The following CX3CL1 variants were observed in gnomAD, a reference collection of about 807,000 sequenced individuals.
CX3CL1 encodes the protein fractalkine.
Under a neutral mutation model 14.1 loss-of-function variants are expected in CX3CL1, and 1 was observed. That is an observed-to-expected ratio of 0.07 (90% CI 0.03 to 0.34). CX3CL1 has a LOEUF of 0.34. CX3CL1 is among the 10% of genes least tolerant of loss of function. The pLI is 0.99. For missense variants in CX3CL1, 505 were observed against 536.4 expected, an observed-to-expected ratio of 0.94 and a Z score of 0.58; for synonymous variants, 255 against 229.6, an observed-to-expected ratio of 1.11 and a Z score of -1.00.
At chr16:57,375,164 A>G (rs1200042135) in intron 1 of CX3CL1, among the ~76,000 whole-genome samples, 1 of 151,044 alleles carries the variant, frequency 6.6e-6, no homozygotes, top group Non-Finnish European at 1.5e-5. Context: ...AAAGAAAAGA[A>G]AAGAAAAAGA....
Position 57,384,052 on chromosome 16 carries a change from A to AGAGG in CX3CL1, c.*1030_*1033dup, listed in dbSNP as rs567616417. 5.6e-4 allele frequency: 85 copies of AGAGG among 152,138 alleles called. No individual in the cohort carries two copies. Among genetic ancestry groups the AGAGG allele is most frequent in the African/African-American group, 2.1e-3 (85 of 41,320 alleles). 9.4% of individuals were successfully genotyped at this position (152,138 alleles called of 1,614,324 possible). A position where few individuals can be genotyped will look rare whatever the true frequency, so the allele number is the denominator to read the frequency against. ...GGGCTCTGCCTCCCATCACCCGCTAAGAGGGAGGGAGGGCTCCAGACACAT... is the reference window on the plus strand; with the variant it reads ...GGGCTCTGCCTCCCATCACCCGCTAAGAGGGAGGGAGGGAGGGCTCCAGACACAT... On this transcript the variant is annotated 3_prime_UTR_variant, in exon 3 of 3. Transcript: ENST00000006053.
intron 1 of CX3CL1, among the ~76,000 whole-genome samples, chr16:57,374,634 A>G (rs1388647604): frequency 1.3e-5 from 2 of 152,144 alleles, no homozygotes; most frequent in Non-Finnish European, 2.9e-5. Flanking sequence ...GCGCTTCCTT[A>G]GGCATTTTGT....
intron 1 of CX3CL1, chr16:57,379,251 G>A (rs1321080950): frequency 1.3e-5 from 3 of 237,454 alleles, no homozygotes; most frequent in Non-Finnish European, 2.4e-5. Context: ...GCTTGAATCT[G>A]GGAGGCCGAG....
At chr16:57,378,425 C>T (rs1469431014) in intron 1 of CX3CL1, 1 of 151,368 alleles carries the variant, frequency 6.6e-6, no homozygotes, top group Non-Finnish European at 1.5e-5. Flanking sequence ...CACCTGTAGT[C>T]CCAGCTACTT....
chr16:57,382,296 C>T lies in CX3CL1; in HGVS notation c.458C>T (p.Thr153Ile). The change falls in exon 3 of 3, where the codon ACC becomes ATC. Residue 153 changes from threonine (T) to isoleucine (I), a missense_variant. By Grantham distance (89) the Thr-to-Ile change is moderately conservative (BLOSUM62 -1). Coordinates refer to ENST00000006053, the MANE Select transcript of CX3CL1 (RefSeq NM_002996.6). This position sits in a 1 kb window ranked among gnomAD's most constrained non-coding sequence, Gnocchi z 6.9. ...CAGGAAGCACAGAGGGCCCTGGGGA[C>T]CTCCCCAGAGCTGCCGACGGGCGTG... ...SSQEAQRALG[T>I]SPELPTGVTG... 6.2e-7 allele frequency: 1 copy of T among 1,606,452 alleles called. No homozygotes were observed. Among genetic ancestry groups the T allele is most frequent in the South Asian group, 1.1e-5 (1 of 90,698 alleles).
chr16:57,375,863 G>C (rs1314853258), intron 1 of CX3CL1, among the ~76,000 whole-genome samples: 16 of 152,246 alleles, frequency 1.1e-4, no homozygotes, highest in African/African-American at 3.9e-4. Flanking sequence ...ATATGTTTGT[G>C]GTATGTTCTG....
At chr16:57,373,295 C>T (rs1021257560) in intron 1 of CX3CL1, among the ~76,000 whole-genome samples, 2 of 152,184 alleles carry the variant, frequency 1.3e-5, no homozygotes, top group African/African-American at 4.8e-5. Flanking sequence ...AGCCCAGGAC[C>T]TGGTAGGGGT....
In CX3CL1 at chr16:57,382,559, C is replaced by G; in HGVS notation, c.721C>G (p.Pro241Ala). The change falls in exon 3 of 3, where the codon CCG (proline) becomes GCG (alanine). Residue 241 changes from proline to alanine, a missense_variant. By Grantham distance (27) the Pro-to-Ala change is conservative. Coordinates refer to ENST00000006053, the MANE Select transcript of CX3CL1 (RefSeq NM_002996.6). The surrounding 1 kb of genome is among the most constrained non-coding windows in gnomAD (Gnocchi z 6.9). ...CTCCCCAGCCCCAGAGGAGAATGCTCCGTCTGAAGGCCAGCGTGTGTGGGG... is the reference window on the plus strand; with the variant it reads ...CTCCCCAGCCCCAGAGGAGAATGCTGCGTCTGAAGGCCAGCGTGTGTGGGG... ...ASSPAPEENA[P>A]SEGQRVWGQG... The G allele has an allele frequency of 6.2e-7, 1 of 1,614,004 alleles. No homozygotes were observed.
chr16:57,376,811 T>C (rs1381218997), intron 1 of CX3CL1, among the ~76,000 whole-genome samples: 1 of 152,082 alleles, frequency 6.6e-6, no homozygotes, highest in East Asian at 1.9e-4. Context: ...ATTCAATGAA[T>C]ATTGATTGAG....
chr16:57,381,675 T>G (rs1482618052), intron 2 of CX3CL1, among the ~76,000 whole-genome samples: 3 of 152,186 alleles, frequency 2.0e-5, no homozygotes, highest in Non-Finnish European at 4.4e-5. Context: ...TTACCTTTTT[T>G]TACAGTAACA....
rs1178951169 is a variant in CX3CL1, at chr16:57,384,673, C to G, written c.*1641C>G. ...CTGTGCTGCCCTGCCCACCTGGCCT[C>G]TGCACTCCCCTGCTGGGTGTGGCGC... On this transcript the variant is annotated 3_prime_UTR_variant, in exon 3 of 3. Coordinates refer to ENST00000006053, the MANE Select transcript of CX3CL1 (RefSeq NM_002996.6). 6.6e-6 allele frequency: 1 copy of G among 152,570 alleles called. No individual in the cohort carries two copies. Among genetic ancestry groups the G allele is most frequent in the Non-Finnish European group, 1.5e-5 (1 of 68,296 alleles). 9.5% of individuals were successfully genotyped at this position (152,570 alleles called of 1,614,324 possible).
rs933814417 is a variant in CX3CL1, at chr16:57,379,744, C to T, written c.181C>T (p.Arg61Cys). ...YQQNQASCGK[R>C]AIILETRQHR... ...ACAGAACCAGGCATCATGCGGCAAACGCGCAATCATGTAGGTACTGCCCTC... is the reference window on the plus strand; with the variant it reads ...ACAGAACCAGGCATCATGCGGCAAATGCGCAATCATGTAGGTACTGCCCTC... The change falls in exon 2 of 3, where the codon CGC (arginine) becomes TGC (cysteine). Residue 61 changes from arginine to cysteine, a missense_variant. Arg to Cys is a radical substitution (Grantham distance 180). Transcript: ENST00000006053. 18 of 1,614,100 alleles carry T rather than the reference C, an allele frequency of 1.1e-5. No homozygotes were observed. Among genetic ancestry groups the T allele is most frequent in the Admixed American group, 1.7e-5 (1 of 60,010 alleles).
chr16:57,373,806 G>C (rs970994551), intron 1 of CX3CL1, among the ~76,000 whole-genome samples: 4 of 152,252 alleles, frequency 2.6e-5, no homozygotes, highest in African/African-American at 9.6e-5. Context: ...CCGTGAGCAG[G>C]GTCTTGCCTC....
intron 1 of CX3CL1, among the ~76,000 whole-genome samples, chr16:57,374,182 G>A (rs1384716252): frequency 6.6e-6 from 1 of 152,090 alleles, no homozygotes; most frequent in African/African-American, 2.4e-5. Flanking sequence ...GACATGTATG[G>A]CTCTGAGAGG....
At chr16:57,375,828 T>A (rs1381739420) in intron 1 of CX3CL1, among the ~76,000 whole-genome samples, 4 of 152,204 alleles carry the variant, frequency 2.6e-5, no homozygotes, top group Non-Finnish European at 4.4e-5. Context: ...AAGTTGGAAG[T>A]GGTCTCTCCC....
At chr16:57,377,768 T>C (rs1281249866) in intron 1 of CX3CL1, 1 of 152,078 alleles carries the variant, frequency 6.6e-6, no homozygotes, top group African/African-American at 2.4e-5. Context: ...GGTCTCCAGA[T>C]GTTTGCAAAA....
In CX3CL1 at chr16:57,372,587, T is replaced by C; in HGVS notation, c.19T>C (p.Ser7Pro). The C allele has an allele frequency of 6.2e-7, 1 of 1,613,236 alleles. No individual in the cohort carries two copies. Among genetic ancestry groups the C allele is most frequent in the South Asian group, 1.1e-5 (1 of 91,084 alleles). The part of the protein sequence containing the change: MAPISL[S>P]WLLRLATFCH... ...CTCAGCCATGGCTCCGATATCTCTG[T>C]CGTGGCTGCTCCGCTTGGCCACCTT... Residue 7 changes from serine to proline, a missense_variant, in exon 1 of 3, where the codon TCG becomes CCG. Ser to Pro is a moderately conservative substitution (Grantham distance 74). Transcript: ENST00000006053.
At chr16:57,377,408 A>T (rs1902260494) in intron 1 of CX3CL1, 1 of 152,378 alleles carries the variant, frequency 6.6e-6, no homozygotes, top group African/African-American at 2.4e-5. Flanking sequence ...CAGCCCTGTG[A>T]CCTGGGGAGC....
rs543701945 is a variant in CX3CL1, at chr16:57,380,176, T to G, written c.191+422T>G. ...CCTGATGCAAATCCTGCCTTCCCTC[T>G]TACTGGCTGGGTGGCCCTGCTTCCA... On this transcript the variant is annotated intron_variant, in intron 2 of 2. Coordinates refer to ENST00000006053, the MANE Select transcript of CX3CL1 (RefSeq NM_002996.6). Among the ~76,000 whole-genome samples, 3 of 152,334 alleles carry G rather than the reference T, an allele frequency of 2.0e-5. No homozygotes were observed. In the South Asian group the frequency reaches 6.2e-4, roughly 32 times the overall value.
Sources: gnomAD v4.1 joint callset for allele counts (sites outside exome capture counted in the v4.1 genomes callset) on GRCh38, gnomAD v4.1.1 for gene constraint, Gnocchi (gnomAD v3.1) non-coding constraint, MANE v1.5 for transcripts, NCBI Gene and HGNC (gene_info 2026-07-23, HGNC 2026-07-21) for gene names.